The following PHF13 variants were observed in gnomAD, a reference collection of about 807,000 sequenced individuals.
PHF13 encodes the protein PHD finger protein 13.
A neutral mutation model predicts 25.8 loss-of-function variants in PHF13; 1 was observed. That is an observed-to-expected ratio of 0.04 (90% CI 0.01 to 0.18). The LOEUF is 0.18. Ranked by LOEUF, PHF13 falls within the 10% of genes least tolerant of loss-of-function variation. The pLI is 1.00. For missense variants in PHF13, 306 were observed against 403.2 expected, an observed-to-expected ratio of 0.76 and a Z score of 2.06; for synonymous variants, 195 against 162.4, an observed-to-expected ratio of 1.20 and a Z score of -1.53.
In PHF13 at chr1:6,613,887, G is replaced by A; in HGVS notation, c.-180G>A. On this transcript the variant is annotated 5_prime_UTR_variant, in exon 1 of 4. Coordinates refer to ENST00000377648, the MANE Select transcript of PHF13 (RefSeq NM_153812.3). ...ACTCCGGTCGGCGGTGGAACCGCCA[G>A]TCCGGGGTCACAGAGCTTGAGAAGC... The A allele has an allele frequency of 5.8e-6, 3 of 516,178 alleles. No individual in the cohort carries two copies. Among genetic ancestry groups the A allele is most frequent in the Non-Finnish European group, 1.0e-5 (3 of 295,478 alleles). The allele number at this position is 516,178 out of a possible 1,614,324, so 32.0% of individuals were successfully genotyped here. A position where few individuals can be genotyped will look rare whatever the true frequency, so the allele number is the denominator to read the frequency against.
At chr1:6,614,802 C>T (rs1481981140) in intron 1 of PHF13, among the ~76,000 whole-genome samples, 3 of 151,314 alleles carry the variant, frequency 2.0e-5, no homozygotes, top group South Asian at 2.1e-4. Context: ...CCCCCTCCTT[C>T]CGGGGATCGG....
In PHF13 at chr1:6,621,572, T is replaced by G; in HGVS notation, c.838T>G (p.Ser280Ala). 3 of 1,614,202 alleles carry G rather than the reference T, an allele frequency of 1.9e-6. No homozygotes were observed. The highest frequency in any genetic ancestry group is 2.5e-6 in the Non-Finnish European group (3 of 1,180,026). Residue 280 changes from serine to alanine, a missense_variant, in exon 4 of 4, where the codon TCC becomes GCC. Ser to Ala is a moderately conservative substitution (Grantham distance 99). Around this residue, in one of 5 missense-constraint regions of PHF13, gnomAD observed 40 missense variants for 71.6 expected, o/e 0.56. Transcript: ENST00000377648. The surrounding 1 kb of genome is among the most constrained non-coding windows in gnomAD (Gnocchi z 4.8). ...GTTTGTCTGCCAAAAGTGCCGGGAC[T>G]CCAAGTTTGACATCCGCCGTTCCAA... ...EVFVCQKCRD[S>A]KFDIRRSNRS...
intron 1 of PHF13, among the ~76,000 whole-genome samples, chr1:6,614,853 C>T (rs1051261481): frequency 2.6e-4 from 40 of 151,648 alleles, no homozygotes; most frequent in African/African-American, 9.2e-4. Context: ...GGTCCCCTCC[C>T]CCCAGCCGAG....
intron 3 of PHF13, among the ~76,000 whole-genome samples, chr1:6,620,824 C>A (rs1641327165): frequency 6.6e-6 from 1 of 151,776 alleles, no homozygotes; most frequent in African/African-American, 2.4e-5. Flanking sequence ...TCGAGACCAG[C>A]CTGACCAACA....
chr1:6,616,538 G>A (rs1641263564), intron 1 of PHF13, among the ~76,000 whole-genome samples: 1 of 152,182 alleles, frequency 6.6e-6, no homozygotes, highest in African/African-American at 2.4e-5. Context: ...TGATTTCCCA[G>A]CATTCTTGGC....
In PHF13 at chr1:6,621,268, G is replaced by C. The variant is rs1570230335; in HGVS notation, c.677-143G>C. 1.2e-6 allele frequency: 1 copy of C among 822,452 alleles called. No homozygotes were observed. The highest frequency in any genetic ancestry group is 2.0e-6 in the Non-Finnish European group (1 of 509,400). 50.9% of individuals were successfully genotyped at this position (822,452 alleles called of 1,614,324 possible). A position where few individuals can be genotyped will look rare whatever the true frequency, so the allele number is the denominator to read the frequency against. On this transcript the variant is annotated intron_variant, in intron 3 of 3. Coordinates refer to ENST00000377648, the MANE Select transcript of PHF13 (RefSeq NM_153812.3). This position sits in a 1 kb window ranked among gnomAD's most constrained non-coding sequence, Gnocchi z 4.8. ...TCCCACACATTTTGGAGCCCCTCGT[G>C]CCTTTTCAGAGAGAAGTGTCAGCTT... is the stretch of plus-strand genomic sequence containing the variant.
At position 6,621,676 on chromosome 1, in the gene PHF13, A is replaced by C; in HGVS notation, c.*39A>C. 1 of 1,598,316 alleles carries C rather than the reference A, an allele frequency of 6.3e-7. No individual in the cohort carries two copies. ...AGGAGGCTGCGAGCGTGGAATCGGA[A>C]GCGACCGCGGGCTTTTTTGCCCTTC... On this transcript the variant is annotated 3_prime_UTR_variant, in exon 4 of 4. Coordinates refer to ENST00000377648, the MANE Select transcript of PHF13 (RefSeq NM_153812.3). The surrounding 1 kb of genome is among the most constrained non-coding windows in gnomAD (Gnocchi z 4.8).
chr1:6,617,970 G>A (rs1282679403), intron 2 of PHF13, among the ~76,000 whole-genome samples: 1 of 152,190 alleles, frequency 6.6e-6, no homozygotes, highest in Non-Finnish European at 1.5e-5. Flanking sequence ...CAGCTCCCTG[G>A]CTGCCCGAAA....
chr1:6,621,724 C>CACCAG lies in PHF13; in HGVS notation c.*88_*89insCCAGA. ...TTCTCTTAGTTGAGCACAGAACCCT[C>CACCAG]AGCTCTGGTGCGGGCAGATCCCTGC... On this transcript the variant is annotated 3_prime_UTR_variant, in exon 4 of 4. Coordinates refer to ENST00000377648, the MANE Select transcript of PHF13 (RefSeq NM_153812.3). This position sits in a 1 kb window ranked among gnomAD's most constrained non-coding sequence, Gnocchi z 4.8. The CACCAG allele has an allele frequency of 2.2e-6, 3 of 1,343,616 alleles. No individual in the cohort carries two copies. Among genetic ancestry groups the CACCAG allele is most frequent in the Non-Finnish European group, 3.1e-6 (3 of 956,148 alleles). 83.2% of individuals were successfully genotyped at this position (1,343,616 alleles called of 1,614,324 possible).
At position 6,621,959 on chromosome 1, in the gene PHF13, T is replaced by G; in HGVS notation, c.*322T>G. The G allele has an allele frequency of 2.4e-6, 1 of 410,504 alleles. No individual in the cohort carries two copies. Among genetic ancestry groups the G allele is most frequent in the Non-Finnish European group, 4.6e-6 (1 of 217,400 alleles). The allele number at this position is 410,504 out of a possible 1,614,324, so 25.4% of individuals were successfully genotyped here. A position where few individuals can be genotyped will look rare whatever the true frequency, so the allele number is the denominator to read the frequency against. ...CGTTTTGCTATCATTGCTAAGAGAT[T>G]CCCGCTGATTGGGCTCAGTGCCAGC... On this transcript the variant is annotated 3_prime_UTR_variant, in exon 4 of 4. Transcript: ENST00000377648. The surrounding 1 kb of genome is among the most constrained non-coding windows in gnomAD (Gnocchi z 4.8).
chr1:6,615,300 T>A (rs1641243596), intron 1 of PHF13, among the ~76,000 whole-genome samples: 1 of 152,146 alleles, frequency 6.6e-6, no homozygotes, highest in Non-Finnish European at 1.5e-5. Flanking sequence ...TTCGCGGGAG[T>A]TGGAGGCCCG....
At chr1:6,614,347 A>C (rs1570220873) in intron 1 of PHF13, 1 of 460,128 alleles carries the variant, frequency 2.2e-6, no homozygotes, top group Non-Finnish European at 3.8e-6. Context: ...CCCTTTCCCC[A>C]GGGCCGTTGC....
rs1570230727 is a variant in PHF13 at position 6,621,566 on chromosome 1, C to T, written c.832C>T (p.Arg278Trp). 1.2e-6 allele frequency: 2 copies of T among 1,614,056 alleles called. No homozygotes were observed. The highest frequency in any genetic ancestry group is 1.7e-5 in the Admixed American group (1 of 60,006). ...AGAAGTGTTTGTCTGCCAAAAGTGC[C>T]GGGACTCCAAGTTTGACATCCGCCG... ...VPEVFVCQKC[R>W]DSKFDIRRSN... is the part of the protein sequence containing the mutation. The change falls in exon 4 of 4, where the codon CGG (arginine) becomes TGG (tryptophan). Residue 278 changes from arginine to tryptophan, a missense_variant. By Grantham distance (101) the Arg-to-Trp change is moderately radical. This residue lies in a region of PHF13 where 40 missense variants were observed against 71.6 expected (regional missense o/e 0.56). Coordinates refer to ENST00000377648, the MANE Select transcript of PHF13 (RefSeq NM_153812.3). This position sits in a 1 kb window ranked among gnomAD's most constrained non-coding sequence, Gnocchi z 4.8.
At position 6,619,800 on chromosome 1, in the gene PHF13, T is replaced by C; in HGVS notation, c.142-3T>C. 6.3e-7 allele frequency: 1 copy of C among 1,582,350 alleles called. No individual in the cohort carries two copies. Among genetic ancestry groups the C allele is most frequent in the Non-Finnish European group, 8.6e-7 (1 of 1,162,516 alleles). On this transcript the variant is annotated splice_region_variant and splice_polypyrimidine_tract_variant and intron_variant, in intron 2 of 3. Coordinates refer to ENST00000377648, the MANE Select transcript of PHF13 (RefSeq NM_153812.3). ...CTGGAATCTGCCACCTTTGTCTTTTTAGGAACTCCCTTTAAGGAGCAGCCC... is the reference window on the plus strand; with the variant it reads ...CTGGAATCTGCCACCTTTGTCTTTTCAGGAACTCCCTTTAAGGAGCAGCCC...
chr1:6,618,894 G>A (rs565517477), intron 2 of PHF13, among the ~76,000 whole-genome samples: 3 of 152,158 alleles, frequency 2.0e-5, no homozygotes, highest in African/African-American at 4.8e-5. Context: ...TGATCTACCC[G>A]CCTCAGCCTC....
Position 6,614,371 on chromosome 1 carries a change from C to T in PHF13, c.39+266C>T, listed in dbSNP as rs1051125261. The T allele has an allele frequency of 1.5e-5, 7 of 458,550 alleles. No homozygotes were observed. The South Asian group carries it at 1.7e-4, about 11-fold the overall frequency. The allele number at this position is 458,550 out of a possible 1,614,324, so 28.4% of individuals were successfully genotyped here. The stretch of plus-strand genomic sequence containing the variant: ...CAGGGCCGTTGCGCCTATTTCTCTC[C>T]CCCGGGCCGCCCCTCTCCGGCCTCG... On this transcript the variant is annotated intron_variant, in intron 1 of 3. Transcript: ENST00000377648.
At position 6,620,062 on chromosome 1, in the gene PHF13, G is replaced by A; in HGVS notation, c.401G>A (p.Gly134Glu). ...RRDSDAPGKE[G>E]YRGGLLKLEA... The stretch of plus-strand genomic sequence containing the variant: ...GACAGTGATGCGCCTGGGAAAGAGG[G>A]GTACAGGGGGGGCTTGCTGAAGCTG... Residue 134 changes from glycine to glutamate, a missense_variant, in exon 3 of 4, where the codon GGG (glycine) becomes GAG (glutamate). Gly to Glu is a moderately conservative substitution (Grantham distance 98). Transcript: ENST00000377648. 1.9e-6 allele frequency: 3 copies of A among 1,613,538 alleles called. No individual in the cohort carries two copies. The highest frequency in any genetic ancestry group is 2.5e-6 in the Non-Finnish European group (3 of 1,180,002).
At chr1:6,619,705 G>T (rs913716605) in intron 2 of PHF13, 98 bp from the exon 3 acceptor site, 7 of 1,237,588 alleles carry the variant, frequency 5.7e-6, no homozygotes, top group Admixed American at 2.3e-5. Flanking sequence ...TTGTGCAGAT[G>T]TCTCTGGAGG....
chr1:6,620,348 C>G lies in PHF13; in HGVS notation c.676+11C>G. On this transcript the variant is annotated intron_variant, in intron 3 of 3. Transcript: ENST00000377648. Reference sequence around the variant, plus strand: ...TCATGGTGGACTCAGGTGAGTGGTCCCTGAAGGATGATGACCCTTGTTGGC... The same window carrying G: ...TCATGGTGGACTCAGGTGAGTGGTCGCTGAAGGATGATGACCCTTGTTGGC... 1.2e-6 allele frequency: 2 copies of G among 1,604,958 alleles called. No individual in the cohort carries two copies. Among genetic ancestry groups the G allele is most frequent in the Non-Finnish European group, 1.7e-6 (2 of 1,174,402 alleles).
Sources: gnomAD v4.1 joint callset for allele counts (sites outside exome capture counted in the v4.1 genomes callset) on GRCh38, gnomAD v4.1.1 for gene constraint, gnomAD v4.1.1 regional missense constraint, Gnocchi (gnomAD v3.1) non-coding constraint, MANE v1.5 for transcripts, NCBI Gene and HGNC (gene_info 2026-07-23, HGNC 2026-07-21) for gene names.